DGKA: variants seen among roughly 807,000 people sequenced by gnomAD.
DGKA encodes diacylglycerol kinase alpha, also known as 80 kDa diacylglycerol kinase.
A neutral mutation model predicts 105.0 loss-of-function variants in DGKA; 35 were observed. That is an observed-to-expected ratio of 0.33 (90% CI 0.25 to 0.44). The LOEUF (loss-of-function observed/expected upper bound fraction) is 0.44, where lower values mean the gene tolerates loss of function less well. Ranked by LOEUF, DGKA falls within the 20% of genes least tolerant of loss-of-function variation. The pLI is 1.00. For synonymous variants in DGKA, 296 were observed against 332.0 expected (o/e 0.89, Z 1.18); for missense variants, 665 against 915.0 (o/e 0.73, Z 3.53).
In DGKA at chr12:55,939,313, G is replaced by A. The variant is rs1237023758; in HGVS notation, c.594+8G>A. 1 of 1,613,460 alleles carries A rather than the reference G, an allele frequency of 6.2e-7. No individual in the cohort carries two copies. Among genetic ancestry groups the A allele is most frequent in the Non-Finnish European group, 8.5e-7 (1 of 1,179,610 alleles). ...CTGCTGGGTCTGGAGATGGTGAGTA[G>A]GAGAGACTTTGGGGGATGAGTAAGA... On this transcript the variant is annotated splice_region_variant and intron_variant, in intron 8 of 23. Coordinates refer to ENST00000331886, the MANE Select transcript of DGKA (RefSeq NM_001345.5).
Position 55,953,068 on chromosome 12 carries a change from T to G in DGKA, c.1971T>G (p.Val657=). 6.2e-7 allele frequency: 1 copy of G among 1,614,152 alleles called. No homozygotes were observed. Among genetic ancestry groups the G allele is most frequent in the Non-Finnish European group, 8.5e-7 (1 of 1,180,024 alleles). ...PDLSDKRLEV[V]GLEGAIEMGQ... Reference sequence around the variant, plus strand: ...TAAGTGACAAGAGACTGGAAGTGGTTGGGCTGGAGGGTGCAATTGAGATGG... The same window carrying G: ...TAAGTGACAAGAGACTGGAAGTGGTGGGGCTGGAGGGTGCAATTGAGATGG... The change falls in exon 22 of 24, where the codon GTT becomes GTG. Residue 657 remains valine, a synonymous_variant. Transcript: ENST00000331886.
At position 55,952,111 on chromosome 12, in the gene DGKA, G is replaced by A; in HGVS notation, c.1652+12G>A. 3.7e-6 allele frequency: 6 copies of A among 1,614,116 alleles called. No individual in the cohort carries two copies. Among genetic ancestry groups the A allele is most frequent in the African/African-American group, 1.3e-5 (1 of 75,026 alleles). The stretch of plus-strand genomic sequence containing the variant: ...AAGTTCAACAGCAGGTTAGGGAAAG[G>A]AGGGGGCAGTGTGGGCATACACAGT... On this transcript the variant is annotated intron_variant, in intron 19 of 23. Transcript: ENST00000331886. The surrounding 1 kb of genome is among the most constrained non-coding windows in gnomAD (Gnocchi z 5.1).
At chr12:55,927,656 C>G, upstream of DGKA, 1 of 1,526,272 alleles carries the variant, frequency 6.6e-7, no homozygotes, top group Non-Finnish European at 8.8e-7. Context: ...TTGCTGTCGG[C>G]CAACCCACTC....
chr12:55,927,567 G>T, upstream of DGKA: 4 of 939,144 alleles, frequency 4.3e-6, no homozygotes, highest in South Asian at 1.6e-5. Flanking sequence ...GAACGCACTG[G>T]GGCGCACAAG....
intron 17 of DGKA, among the ~76,000 whole-genome samples, chr12:55,949,202 A>ATT (rs201663601): frequency 6.9e-6 from 1 of 145,538 alleles, no homozygotes; most frequent in African/African-American, 2.5e-5. Context: ...ATAAACAGAC[A>ATT]TTTTTTTTTT....
At chr12:55,938,638 G>A (rs780692770) in intron 6 of DGKA, 78 bp downstream of exon 6, 2 of 1,609,852 alleles carry the variant, frequency 1.2e-6, no homozygotes, top group East Asian at 2.2e-5. Context: ...ACTCTTCCAG[G>A]GTCTTAAGAA....
rs748318989 is a variant in DGKA at position 55,953,729 on chromosome 12, A to AC, written c.2176dup (p.Arg726ProfsTer79). ...ACCAGATGCCCATGCTCATGGGCCC[A>AC]CCCCCCCGCTCCACCAATTTCTTTG... On this transcript the variant is annotated frameshift_variant, in exon 24 of 24. Transcript: ENST00000331886. LOFTEE classifies it high-confidence loss of function. The AC allele has an allele frequency of 1.4e-5, 22 of 1,613,000 alleles. No individual in the cohort carries two copies. The highest frequency in any genetic ancestry group is 2.2e-5 in the South Asian group (2 of 91,018).
chr12:55,942,581 A>G (rs938455293), intron 17 of DGKA: 5 of 345,836 alleles, frequency 1.4e-5, no homozygotes, highest in Admixed American at 1.2e-4. Context: ...GGAAGGTTGT[A>G]TAAGAGCTAA....
chr12:55,937,205 C>T (rs1884927256), intron 3 of DGKA, 115 bp downstream of exon 3: 12 of 1,275,612 alleles, frequency 9.4e-6, no homozygotes, highest in South Asian at 2.5e-5. Context: ...CTAGAGATAC[C>T]CTAGTGTCCA....
intron 15 of DGKA, 88 bp from the exon 16 acceptor site, chr12:55,941,909 TG>T: frequency 2.2e-6 from 3 of 1,344,632 alleles, no homozygotes; most frequent in Non-Finnish European, 3.2e-6. Context: ...TCCTACGGAA[TG>T]AGAGACAAGA....
At chr12:55,935,826 T>C (rs1235743376) in intron 1 of DGKA, 1 of 960,540 alleles carries the variant, frequency 1.0e-6, no homozygotes, top group East Asian at 1.1e-4. Context: ...GCTGGTTCTG[T>C]GTCGCGCGTC....
At chr12:55,939,072 G>C in intron 7 of DGKA, 83 bp downstream of exon 7, 1 of 1,608,120 alleles carries the variant, frequency 6.2e-7, no homozygotes, top group East Asian at 2.2e-5. Flanking sequence ...TCTCTGACAG[G>C]CAACCTGGTT....
Position 55,932,283 on chromosome 12 carries a change from C to CG in DGKA, c.-82+944dup, listed in dbSNP as rs1883732712. The CG allele has an allele frequency of 3.8e-6, 2 of 522,798 alleles. No individual in the cohort carries two copies. Among genetic ancestry groups the CG allele is most frequent in the Non-Finnish European group, 6.9e-6 (2 of 288,268 alleles). The allele number at this position is 522,798 out of a possible 1,614,324, so 32.4% of individuals were successfully genotyped here. On this transcript the variant is annotated intron_variant, in intron 1 of 23. Transcript: ENST00000331886. This position sits in a 1 kb window ranked among gnomAD's most constrained non-coding sequence, Gnocchi z 4.3. ...ATCGAGAAGGGTCTGCGCTGGGACG[C>CG]GGGGGTGCAGCGGGAGGGCTGGGCC...
chr12:55,942,097 G>A lies in DGKA; in HGVS notation c.1336+14G>A. The A allele has an allele frequency of 6.2e-7, 1 of 1,614,064 alleles. No individual in the cohort carries two copies. Among genetic ancestry groups the A allele is most frequent in the Non-Finnish European group, 8.5e-7 (1 of 1,179,940 alleles). ...TAGAGACCATTGGTCAGTGCAGGGA[G>A]GGGCGTGGGGAAGGTATTGGGGTCG... On this transcript the variant is annotated intron_variant, in intron 16 of 23. Coordinates refer to ENST00000331886, the MANE Select transcript of DGKA (RefSeq NM_001345.5).
At chr12:55,949,201 C>G (rs1565759238) in intron 17 of DGKA, among the ~76,000 whole-genome samples, 1 of 151,572 alleles carries the variant, frequency 6.6e-6, no homozygotes, top group Non-Finnish European at 1.5e-5. Flanking sequence ...CATAAACAGA[C>G]ATTTTTTTTT....
At chr12:55,949,833 G>C (rs1887784155) in intron 17 of DGKA, among the ~76,000 whole-genome samples, 2 of 151,538 alleles carry the variant, frequency 1.3e-5, no homozygotes, top group Admixed American at 1.3e-4. Context: ...TTCTTTCTTT[G>C]TTTTGAGATA....
chr12:55,944,466 T>C (rs924104215), intron 17 of DGKA, among the ~76,000 whole-genome samples: 1 of 152,054 alleles, frequency 6.6e-6, no homozygotes, highest in African/African-American at 2.4e-5. Flanking sequence ...AGACTTTAAA[T>C]TAAAAAATAA....
intron 18 of DGKA, 37 bp downstream of exon 18, chr12:55,951,820 G>A: frequency 1.2e-6 from 2 of 1,605,180 alleles, no homozygotes; most frequent in Non-Finnish European, 1.7e-6. Flanking sequence ...GGGAGAAAGG[G>A]GGGGCCAAGC....
rs569710394 is a variant in DGKA at position 55,952,716 on chromosome 12, T to G, written c.1744-18T>G. 78 of 1,613,808 alleles carry G rather than the reference T, an allele frequency of 4.8e-5. No homozygotes were observed. In the South Asian group the frequency reaches 8.1e-4, roughly 17 times the overall value. ...GATCTGTACCCTCCCTAACTGGGAC[T>G]GTGCCCCCTCCTCTCAGATCTGTGG... On this transcript the variant is annotated intron_variant, in intron 20 of 23. Transcript: ENST00000331886. This position sits in a 1 kb window ranked among gnomAD's most constrained non-coding sequence, Gnocchi z 5.1.
Sources: allele counts gnomAD v4.1 joint callset (sites outside exome capture counted in the v4.1 genomes callset), GRCh38; gene constraint gnomAD v4.1.1; non-coding constraint Gnocchi (gnomAD v3.1); transcripts MANE v1.5; gene names NCBI Gene and HGNC (gene_info 2026-07-23, HGNC 2026-07-21).